Variants in PRIMA1 observed in about 807,000 individuals in gnomAD.
PRIMA1 encodes the protein proline-rich membrane anchor 1.
PRIMA1 carries 7 observed loss-of-function variants against 17.5 expected under a neutral mutation model. The ratio of observed to expected loss-of-function variants is 0.40; its 90% confidence interval spans 0.23 to 0.75. PRIMA1 has a LOEUF of 0.75. Ranked by LOEUF, PRIMA1 falls within the 30% of genes least tolerant of loss-of-function variation. PRIMA1 has a pLI of 0.37. For synonymous variants in PRIMA1, 97 were observed against 77.9 expected (o/e 1.25, Z -1.29); for missense variants, 200 against 201.8 (o/e 0.99, Z 0.05).
intron 3 of PRIMA1, among the ~76,000 whole-genome samples, chr14:93,776,819 G>A (rs1196935491): frequency 6.6e-6 from 1 of 152,182 alleles, no homozygotes; most frequent in South Asian, 2.1e-4. Flanking sequence ...TCTCAGCACT[G>A]TGCCACTATG....
chr14:93,781,026 A>G (rs1455029743), intron 2 of PRIMA1, among the ~76,000 whole-genome samples: 1 of 152,210 alleles, frequency 6.6e-6, no homozygotes, highest in Non-Finnish European at 1.5e-5. Flanking sequence ...GGAGGCTCCC[A>G]TCGCACCTGG....
chr14:93,736,185 G>C (rs777391262), intron 4 of PRIMA1, among the ~76,000 whole-genome samples: 1 of 152,168 alleles, frequency 6.6e-6, no homozygotes, highest in Admixed American at 6.5e-5. Context: ...CACTGGAGTC[G>C]AACTCGTCAA....
intron 3 of PRIMA1, among the ~76,000 whole-genome samples, chr14:93,758,402 A>T (rs900264016): frequency 1.7e-4 from 26 of 152,110 alleles, no homozygotes; most frequent in African/African-American, 6.3e-4. Context: ...CCTGGACAAC[A>T]TGGCAAAACC....
intron 3 of PRIMA1, among the ~76,000 whole-genome samples, chr14:93,754,818 A>C (rs1213275037): frequency 1.3e-5 from 2 of 152,030 alleles, no homozygotes; most frequent in East Asian, 3.9e-4. Context: ...CTGTTCCATC[A>C]CCTTACTTTG....
intron 3 of PRIMA1, among the ~76,000 whole-genome samples, chr14:93,755,732 C>T (rs899318635): frequency 1.6e-4 from 24 of 152,104 alleles, no homozygotes; most frequent in Admixed American, 4.6e-4. Context: ...TAGCTGGAGA[C>T]GTGGAAAACC....
In PRIMA1 at chr14:93,726,880, C is replaced by T. The variant is rs1236065734; in HGVS notation, c.360-5334G>A. On this transcript the variant is annotated intron_variant, in intron 4 of 4. Transcript: ENST00000393140. The surrounding 1 kb of genome is among the most constrained non-coding windows in gnomAD (Gnocchi z 4.2). ...GCACACATACACATATGTGCACATGCATGCACACATACATATGAATACACA... is the reference window on the plus strand; with the variant it reads ...GCACACATACACATATGTGCACATGTATGCACACATACATATGAATACACA... Among the ~76,000 whole-genome samples the T allele has an allele frequency of 6.6e-6, 1 of 152,188 alleles. No individual in the cohort carries two copies. Among genetic ancestry groups the T allele is most frequent in the Non-Finnish European group, 1.5e-5 (1 of 68,030 alleles).
intron 4 of PRIMA1, among the ~76,000 whole-genome samples, chr14:93,736,166 T>A (rs1036533245): frequency 2.6e-5 from 4 of 152,346 alleles, no homozygotes; most frequent in Admixed American, 2.6e-4. Flanking sequence ...AGGTCTGTTC[T>A]TAGCCCAACA....
intron 4 of PRIMA1, among the ~76,000 whole-genome samples, chr14:93,731,367 C>G (rs2076113512): frequency 6.6e-6 from 1 of 152,216 alleles, no homozygotes; most frequent in Non-Finnish European, 1.5e-5. Context: ...AAACAGCTAA[C>G]TGTTGAAAGT....
chr14:93,787,984 G>A (rs1885575137), intron 1 of PRIMA1, among the ~76,000 whole-genome samples: 1 of 152,066 alleles, frequency 6.6e-6, no homozygotes. Context: ...CTTTAGCTCC[G>A]CGCACAGCTC....
At chr14:93,722,600 GGTT>G (rs2076047021) in intron 4 of PRIMA1, among the ~76,000 whole-genome samples, 1 of 151,924 alleles carries the variant, frequency 6.6e-6, no homozygotes, top group Non-Finnish European at 1.5e-5. Flanking sequence ...TAGTGATGGT[GGTT>G]ATATGGTGGT....
intron 3 of PRIMA1, among the ~76,000 whole-genome samples, chr14:93,770,299 C>G (rs183588734): frequency 6.6e-6 from 1 of 152,236 alleles, no homozygotes; most frequent in Non-Finnish European, 1.5e-5. Flanking sequence ...TGCCACACCC[C>G]CTACTCAAAA....
rs1235841407 is a variant in PRIMA1 at position 93,787,747 on chromosome 14, G to T, written c.-29C>A. On this transcript the variant is annotated splice_region_variant and 5_prime_UTR_variant, in exon 2 of 5. Coordinates refer to ENST00000393140, the MANE Select transcript of PRIMA1 (RefSeq NM_178013.4). ...GGCCAGCGGCGCCCGCTCCTGGGGC[G>T]AACTGTCAGGAGAGCAAGGCTAGGG... 6.5e-7 allele frequency: 1 copy of T among 1,539,812 alleles called. No homozygotes were observed. Among genetic ancestry groups the T allele is most frequent in the Non-Finnish European group, 8.7e-7 (1 of 1,146,014 alleles).
intron 4 of PRIMA1, among the ~76,000 whole-genome samples, chr14:93,728,766 G>A (rs1344449777): frequency 1.3e-5 from 2 of 152,148 alleles, no homozygotes; most frequent in Non-Finnish European, 1.5e-5. Flanking sequence ...TCAATCTGCT[G>A]AGCATTCTGT....
intron 4 of PRIMA1, among the ~76,000 whole-genome samples, chr14:93,723,485 C>T (rs116367218): frequency 0.016 from 2,423 of 149,484 alleles, 74 homozygotes; most frequent in African/African-American, 0.055. Flanking sequence ...ACAATCAGGC[C>T]CACTCAGAGA....
rs1229329006 is a variant in PRIMA1, at chr14:93,768,586, T to C, written c.229+10590A>G. Among the ~76,000 whole-genome samples the C allele has an allele frequency of 3.9e-5, 6 of 152,314 alleles. No homozygotes were observed. In the East Asian group the frequency reaches 1.2e-3, roughly 29 times the overall value. On this transcript the variant is annotated intron_variant, in intron 3 of 4. Transcript: ENST00000393140. ...GCAGGAGTCCGAGGGCAGGGCTATG[T>C]TGAATTCACCTTTGTAGTTCCAGAA...
chr14:93,737,338 T>C lies in PRIMA1; in HGVS notation c.262A>G (p.Ser88Gly), dbSNP rs2076156036. 11 of 1,614,042 alleles carry C rather than the reference T, an allele frequency of 6.8e-6. No homozygotes were observed. Among genetic ancestry groups the C allele is most frequent in the Non-Finnish European group, 9.3e-6 (11 of 1,180,040 alleles). ...PNSTSCPTEE[S>G]WWSGLVIIIA... ...ATGATCACCAGCCCCGACCACCAGC[T>C]TTCCTCAGTGGGGCAAGAGGTAGAG... The change falls in exon 4 of 5, where the codon AGC becomes GGC. Residue 88 changes from serine (S) to glycine (G), a missense_variant. Transcript: ENST00000393140.
chr14:93,734,346 C>T (rs1445774995), intron 4 of PRIMA1, among the ~76,000 whole-genome samples: 4 of 152,206 alleles, frequency 2.6e-5, no homozygotes, highest in African/African-American at 7.2e-5. Context: ...TGTGAGGCAC[C>T]CACGGGAAAC....
At chr14:93,757,186 C>T (rs1036002349) in intron 3 of PRIMA1, among the ~76,000 whole-genome samples, 7 of 148,178 alleles carry the variant, frequency 4.7e-5, no homozygotes, top group Non-Finnish European at 7.4e-5. Flanking sequence ...AATTGTGAGA[C>T]GTGGGTTTAA....
chr14:93,722,691 AATG>A lies in PRIMA1; in HGVS notation c.360-1148_360-1146del, dbSNP rs564885555. 1.6e-3 allele frequency among the ~76,000 whole-genome samples: 16 copies of A among 10,260 alleles called. No individual in the cohort carries two copies. The South Asian group carries it at 0.023, about 15-fold the overall frequency. The allele number at this position is 10,260 out of a possible 152,430, so 6.7% of individuals were successfully genotyped here. Reference sequence around the variant, plus strand: ...GTAATGATGATGGGGTGATGATGGTAATGATGATGATAGTGGTGGTTAGCGTAA... The same window carrying A: ...GTAATGATGATGGGGTGATGATGGTAATGATGATAGTGGTGGTTAGCGTAA... On this transcript the variant is annotated intron_variant, in intron 4 of 4. Transcript: ENST00000393140.
Sources: allele counts gnomAD v4.1 joint callset (sites outside exome capture counted in the v4.1 genomes callset), GRCh38; gene constraint gnomAD v4.1.1; non-coding constraint Gnocchi (gnomAD v3.1); transcripts MANE v1.5; gene names NCBI Gene and HGNC (gene_info 2026-07-23, HGNC 2026-07-21).